The following FOXK2 variants were observed in gnomAD, a reference collection of about 807,000 sequenced individuals.
The protein encoded by FOXK2 is forkhead box K2.
FOXK2 carries 24 observed loss-of-function variants against 53.3 expected under a neutral mutation model. That is an observed-to-expected ratio of 0.45 (90% CI 0.33 to 0.63). The LOEUF (loss-of-function observed/expected upper bound fraction) is 0.63, where lower values mean the gene tolerates loss of function less well. Among genes scored for constraint, FOXK2 ranks in the 30% least tolerant of loss-of-function variants. The pLI is 0.03. For missense variants in FOXK2, 952 were observed against 910.5 expected (o/e 1.05, Z -0.59); for synonymous variants, 505 against 407.1 (o/e 1.24, Z -2.89).
At chr17:82,557,896 TC>T (rs2044748906) in intron 1 of FOXK2, among the ~76,000 whole-genome samples, 1 of 152,142 alleles carries the variant, frequency 6.6e-6, no homozygotes. Flanking sequence ...CAAGTGATCT[TC>T]CTGCTTTGGC....
At chr17:82,544,071 C>T (rs1466232292) in intron 1 of FOXK2, among the ~76,000 whole-genome samples, 5 of 152,094 alleles carry the variant, frequency 3.3e-5, no homozygotes, top group Admixed American at 3.3e-4. Context: ...CCACCGTGCC[C>T]AGCCAAGCTT....
rs2044939809 is a variant in FOXK2, at chr17:82,573,317, A to AC, written c.909+1453dup. On this transcript the variant is annotated intron_variant, in intron 4 of 8. Coordinates refer to ENST00000335255, the MANE Select transcript of FOXK2 (RefSeq NM_004514.4). ...CTCCCCTCTGGCCCACCTTGTGCCC[A>AC]CCCCCCATACCTGGAGTGTCTATAC... 4.0e-5 allele frequency among the ~76,000 whole-genome samples: 6 copies of AC among 151,652 alleles called. 1 individual carries two copies. Among genetic ancestry groups the AC allele is most frequent in the East Asian group, 3.9e-4 (2 of 5,166 alleles).
intron 1 of FOXK2, among the ~76,000 whole-genome samples, chr17:82,521,600 A>G (rs1378912620): frequency 6.6e-6 from 1 of 151,766 alleles, no homozygotes; most frequent in East Asian, 1.9e-4. Flanking sequence ...AAGGTGCACC[A>G]GCATATTCCT....
At chr17:82,525,891 ACTTT>A (rs1475864232) in intron 1 of FOXK2, among the ~76,000 whole-genome samples, 3 of 152,214 alleles carry the variant, frequency 2.0e-5, no homozygotes, top group South Asian at 4.2e-4. Flanking sequence ...TGAATCCCAC[ACTTT>A]CTTTCTTACG....
chr17:82,544,607 A>T (rs931289533), intron 1 of FOXK2, among the ~76,000 whole-genome samples: 1 of 152,142 alleles, frequency 6.6e-6, no homozygotes, highest in Non-Finnish European at 1.5e-5. Context: ...TAAGTGGGCT[A>T]ATTGAAGGGT....
chr17:82,553,441 C>G (rs1035456584), intron 1 of FOXK2, among the ~76,000 whole-genome samples: 37 of 152,264 alleles, frequency 2.4e-4, no homozygotes, highest in African/African-American at 8.7e-4. Context: ...TGGGACCAGA[C>G]CTGCTGCTCC....
At chr17:82,592,502 G>C (rs1265254684) in intron 8 of FOXK2, among the ~76,000 whole-genome samples, 1 of 152,242 alleles carries the variant, frequency 6.6e-6, no homozygotes, top group Non-Finnish European at 1.5e-5. Flanking sequence ...TCCCTGTCTG[G>C]ACAGGCCTGC....
At chr17:82,594,210 C>G (rs9910326) in intron 8 of FOXK2, among the ~76,000 whole-genome samples, 2,413 of 152,246 alleles carry the variant, frequency 0.016, 61 homozygotes, top group African/African-American at 0.054. Context: ...AAGAAATGCT[C>G]TAGACAGGCC....
chr17:82,536,524 C>G (rs967480265), intron 1 of FOXK2, among the ~76,000 whole-genome samples: 2 of 152,156 alleles, frequency 1.3e-5, no homozygotes, highest in Non-Finnish European at 1.5e-5. Context: ...CACTGAAGTC[C>G]TTGTTCCTCA....
At chr17:82,573,726 T>C (rs2044949790) in intron 4 of FOXK2, among the ~76,000 whole-genome samples, 1 of 152,220 alleles carries the variant, frequency 6.6e-6, no homozygotes, top group South Asian at 2.1e-4. Flanking sequence ...AGTTTACAGC[T>C]TATTCTGATG....
chr17:82,583,735 G>A (rs150417179), intron 5 of FOXK2, among the ~76,000 whole-genome samples: 2 of 152,314 alleles, frequency 1.3e-5, no homozygotes, highest in African/African-American at 4.8e-5. Flanking sequence ...CAGTGCACGG[G>A]AGCTGCTTAG....
At chr17:82,587,304 C>G in intron 8 of FOXK2, 32 bp downstream of exon 8, 1 of 1,544,738 alleles carries the variant, frequency 6.5e-7, no homozygotes, top group Non-Finnish European at 8.9e-7. Flanking sequence ...CTCCCCGTGG[C>G]TGTGGGTACT....
Position 82,520,139 on chromosome 17 carries a change from C to T in FOXK2, c.251C>T (p.Thr84Met), listed in dbSNP as rs778893700. The change falls in exon 1 of 9, where the codon ACG (threonine) becomes ATG (methionine). Residue 84 changes from threonine to methionine, a missense_variant. By Grantham distance (81) the Thr-to-Met change is moderately conservative. This residue lies in a region of FOXK2 where 163 missense variants were observed against 165.5 expected (regional missense o/e 0.98). Transcript: ENST00000335255. ...TCCCGGCGCCACCTCGAGATCTTCA[C>T]GCCCCCGGGCGGCGGCGGCCATGGC... is the stretch of plus-strand genomic sequence containing the variant. ...FISRRHLEIF[T>M]PPGGGGHGGA... 4 of 1,527,102 alleles carry T rather than the reference C, an allele frequency of 2.6e-6. No homozygotes were observed. Among genetic ancestry groups the T allele is most frequent in the South Asian group, 1.2e-5 (1 of 82,240 alleles). The allele number at this position is 1,527,102 out of a possible 1,614,324, so 94.6% of individuals were successfully genotyped here.
At position 82,570,713 on chromosome 17, in the gene FOXK2, C is replaced by T. The variant is rs182173872; in HGVS notation, c.763-1011C>T. Among the ~76,000 whole-genome samples the T allele has an allele frequency of 1.9e-4, 29 of 152,210 alleles. No individual in the cohort carries two copies. The East Asian group carries it at 4.4e-3, about 23-fold the overall frequency. Reference sequence around the variant, plus strand: ...ATCATCTTGAATGTATTTTTTCATCCGACATTATCTGTTGCTCTTCATCCA... The same window carrying T: ...ATCATCTTGAATGTATTTTTTCATCTGACATTATCTGTTGCTCTTCATCCA... On this transcript the variant is annotated intron_variant, in intron 3 of 8. Transcript: ENST00000335255.
chr17:82,549,992 C>CA lies in FOXK2; in HGVS notation c.420-13361dup, dbSNP rs149240941. On this transcript the variant is annotated intron_variant, in intron 1 of 8. Coordinates refer to ENST00000335255, the MANE Select transcript of FOXK2 (RefSeq NM_004514.4). ...TTGAGGTGGGTGCATCACTTGAGCCCAGGAATTTGAGACCAGCTTCAGAAA... is the reference window on the plus strand; with the variant it reads ...TTGAGGTGGGTGCATCACTTGAGCCCAAGGAATTTGAGACCAGCTTCAGAAA... 5.3e-4 allele frequency among the ~76,000 whole-genome samples: 80 copies of CA among 152,226 alleles called. 1 individual carries two copies. The highest frequency in any genetic ancestry group is 1.9e-3 in the African/African-American group (79 of 41,538).
chr17:82,557,924 A>T (rs1038613981), intron 1 of FOXK2, among the ~76,000 whole-genome samples: 4 of 152,096 alleles, frequency 2.6e-5, no homozygotes, highest in African/African-American at 7.2e-5. Context: ...CAATGCCGGG[A>T]TTACAGGTGT....
intron 1 of FOXK2, among the ~76,000 whole-genome samples, chr17:82,561,935 C>T (rs1383575978): frequency 6.6e-6 from 1 of 151,346 alleles, no homozygotes; most frequent in African/African-American, 2.4e-5. Context: ...ACTGGGCGCA[C>T]AGATGTGAGC....
At chr17:82,590,935 G>C (rs903073876) in intron 8 of FOXK2, among the ~76,000 whole-genome samples, 3 of 152,180 alleles carry the variant, frequency 2.0e-5, no homozygotes, top group Non-Finnish European at 2.9e-5. Flanking sequence ...TGGGCTGCCT[G>C]CCCTAAGGGG....
chr17:82,590,673 G>T (rs962898709), intron 8 of FOXK2, among the ~76,000 whole-genome samples: 2 of 152,190 alleles, frequency 1.3e-5, no homozygotes, highest in Admixed American at 6.5e-5. Context: ...GAATATTGCA[G>T]TAGAGCTGCC....
Sources: gnomAD v4.1 joint callset for allele counts (sites outside exome capture counted in the v4.1 genomes callset) on GRCh38, gnomAD v4.1.1 for gene constraint, gnomAD v4.1.1 regional missense constraint, MANE v1.5 for transcripts, NCBI Gene and HGNC (gene_info 2026-07-23, HGNC 2026-07-21) for gene names.